ANK2: variants seen among roughly 807,000 people sequenced by gnomAD.
ANK2 encodes the protein ankyrin 2, also known as ankyrin-2.
Under a neutral mutation model 360.5 loss-of-function variants are expected in ANK2, and 83 were observed. That is an observed-to-expected ratio of 0.23 (90% CI 0.19 to 0.28). The LOEUF (loss-of-function observed/expected upper bound fraction) is 0.28. Among genes scored for constraint, ANK2 ranks in the 10% least tolerant of loss-of-function variants. The probability of loss-of-function intolerance (pLI) is 1.00; values close to 1 mark genes in which losing one functional copy is unlikely to be tolerated. For synonymous variants in ANK2, 1,740 were observed against 1,759.5 expected (o/e 0.99, Z 0.28); for missense variants, 4,201 against 4,795.7 (o/e 0.88, Z 3.66).
chr4:113,233,103 T>A (rs1247051396), intron 5 of ANK2, among the ~76,000 whole-genome samples: 1 of 28,616 alleles, frequency 3.5e-5, no homozygotes, highest in Non-Finnish European at 6.7e-5. Context: ...GCTTGGCTTT[T>A]CTGTTTTTTT....
intron 1 of ANK2, chr4:112,880,365 C>T (rs1286468572): frequency 6.6e-6 from 1 of 152,136 alleles, no homozygotes; most frequent in Non-Finnish European, 1.5e-5. Context: ...AAGAATACCT[C>T]ATTTTGTTTG....
Position 113,307,204 on chromosome 4 carries a change from A to G in ANK2, c.2549-4051A>G, listed in dbSNP as rs115163687. Among the ~76,000 whole-genome samples the G allele has an allele frequency of 5.9e-3, 893 of 152,238 alleles. 9 individuals carry two copies. The highest frequency in any genetic ancestry group is 0.02 in the African/African-American group (838 of 41,536). On this transcript the variant is annotated intron_variant, in intron 23 of 45. Transcript: ENST00000357077. ...AACTCCAGACTGGCTGAATGTTGGGATGAAATATAGAGGCGCCTCCTCCTT... is the reference window on the plus strand; with the variant it reads ...AACTCCAGACTGGCTGAATGTTGGGGTGAAATATAGAGGCGCCTCCTCCTT...
At chr4:112,874,997 A>G (rs541411076) in intron 1 of ANK2, among the ~76,000 whole-genome samples, 3 of 151,888 alleles carry the variant, frequency 2.0e-5, no homozygotes, top group East Asian at 1.9e-4. Flanking sequence ...GCTTAGATGA[A>G]TGAAGGCCAT....
rs2035297585 is a variant in ANK2, at chr4:112,962,422, AT to A, written c.21+57912del. Among the ~76,000 whole-genome samples the A allele has an allele frequency of 2.0e-5, 3 of 152,216 alleles. No individual in the cohort carries two copies. In the South Asian group the frequency reaches 6.2e-4, roughly 32 times the overall value. Reference sequence around the variant, plus strand: ...GTATTCCATGGTGTATATGTACCACATTTTCTTTATCCAATCCACTGTTGAT... The same window carrying A: ...GTATTCCATGGTGTATATGTACCACATTTCTTTATCCAATCCACTGTTGAT... On this transcript the variant is annotated intron_variant, in intron 2 of 30. Transcript: ENST00000503271.
At chr4:112,705,693 G>A in the ANK2 span, among the ~76,000 whole-genome samples, 2 of 152,232 alleles carry the variant, frequency 1.3e-5, no homozygotes, top group Non-Finnish European at 2.9e-5. Context: ...GGCAGTCAGT[G>A]GTGCATATAG....
intron 1 of ANK2, among the ~76,000 whole-genome samples, chr4:113,069,009 GC>G (rs2076589278): frequency 6.6e-6 from 1 of 152,104 alleles, no homozygotes; most frequent in Non-Finnish European, 1.5e-5. Context: ...GCTGCAGTGA[GC>G]CATGATAGGG....
intron 1 of ANK2, among the ~76,000 whole-genome samples, chr4:113,069,012 A>G (rs1384318891): frequency 2.6e-5 from 4 of 152,148 alleles, no homozygotes; most frequent in Non-Finnish European, 5.9e-5. Context: ...GCAGTGAGCC[A>G]TGATAGGGCT....
intron 1 of ANK2, among the ~76,000 whole-genome samples, chr4:112,895,449 G>A (rs2150745901): frequency 6.6e-6 from 1 of 152,256 alleles, no homozygotes; most frequent in East Asian, 1.9e-4. Context: ...TGACCATCAG[G>A]ATTATTTTCC....
At position 113,367,032 on chromosome 4, in the gene ANK2, A is replaced by C. The variant is rs78820910; in HGVS notation, c.11033-534A>C. ...ATATAATGAAATTCCTTAGCCTGTCATAAAAGACTCTACATAAAAAGAGTA... is the reference window on the plus strand; with the variant it reads ...ATATAATGAAATTCCTTAGCCTGTCCTAAAAGACTCTACATAAAAAGAGTA... On this transcript the variant is annotated intron_variant, in intron 41 of 45. Coordinates refer to ENST00000357077, the MANE Select transcript of ANK2 (RefSeq NM_001148.6). Among the ~76,000 whole-genome samples the C allele has an allele frequency of 1.3e-3, 201 of 152,324 alleles. 5 individuals are homozygous for C. The East Asian group carries it at 0.038, about 29-fold the overall frequency.
At chr4:113,028,246 G>T (rs1443331852) in intron 2 of ANK2, among the ~76,000 whole-genome samples, 2 of 152,056 alleles carry the variant, frequency 1.3e-5, no homozygotes, top group African/African-American at 4.8e-5. Flanking sequence ...CTTCTCAGAG[G>T]TAATGACCTT....
At chr4:113,171,923 G>T (rs957853521) in intron 1 of ANK2, among the ~76,000 whole-genome samples, 1 of 152,112 alleles carries the variant, frequency 6.6e-6, no homozygotes, top group Non-Finnish European at 1.5e-5. Flanking sequence ...GTGTTTCTAG[G>T]TGTCTCTTCA....
At chr4:112,996,867 A>G (rs954114636) in intron 2 of ANK2, among the ~76,000 whole-genome samples, 15 of 152,020 alleles carry the variant, frequency 9.9e-5, no homozygotes, top group African/African-American at 3.4e-4. Context: ...TTTTGTACGC[A>G]TTAACTGTCT....
intron 20 of ANK2, among the ~76,000 whole-genome samples, chr4:113,288,807 G>C (rs29354): frequency 0.69 from 104,759 of 151,952 alleles, 36,497 homozygotes; most frequent in East Asian, 0.78. Flanking sequence ...TGTTTCAGTG[G>C]CTTGGCCCCC....
At chr4:112,826,793 G>C in intron 1 of ANK2, 1 of 1,054,838 alleles carries the variant, frequency 9.5e-7, no homozygotes, top group Non-Finnish European at 1.4e-6. Context: ...AAATTCTGTT[G>C]CTTCAAGCAT....
chr4:112,721,928 G>A, the ANK2 span, among the ~76,000 whole-genome samples: 1 of 152,126 alleles, frequency 6.6e-6, no homozygotes, highest in Non-Finnish European at 1.5e-5. Flanking sequence ...AGAGGTGCAG[G>A]CATCAGAGAG....
At chr4:113,287,990 G>T (rs2065552964) in intron 19 of ANK2, among the ~76,000 whole-genome samples, 1 of 152,134 alleles carries the variant, frequency 6.6e-6, no homozygotes, top group Non-Finnish European at 1.5e-5. Flanking sequence ...CACATGACTT[G>T]CTGCGTTCCT....
intron 1 of ANK2, among the ~76,000 whole-genome samples, chr4:113,107,136 C>G: frequency 6.6e-6 from 1 of 152,162 alleles, no homozygotes; most frequent in Non-Finnish European, 1.5e-5. Context: ...AGCTCTACTT[C>G]TATCAGGGAT....
the ANK2 span, among the ~76,000 whole-genome samples, chr4:112,743,692 G>A: frequency 1.1e-4 from 16 of 151,178 alleles, no homozygotes; most frequent in East Asian, 5.9e-4. Context: ...ACAGGTGTGC[G>A]CCACCACACC....
At chr4:112,742,729 C>CT in the ANK2 span, among the ~76,000 whole-genome samples, 667 of 144,498 alleles carry the variant, frequency 4.6e-3, 4 homozygotes, top group South Asian at 0.021. Context: ...TCCACATCTT[C>CT]TTTTTTTTTT....
Sources: allele counts gnomAD v4.1 joint callset (sites outside exome capture counted in the v4.1 genomes callset), GRCh38; gene constraint gnomAD v4.1.1; transcripts MANE v1.5; gene names NCBI Gene and HGNC (gene_info 2026-07-23, HGNC 2026-07-21).